Variants in EXD1 observed in about 807,000 individuals in gnomAD.
EXD1 encodes the protein piRNA biogenesis protein EXD1.
Under a neutral mutation model 49.1 loss-of-function variants are expected in EXD1, and 63 were observed. That is an observed-to-expected ratio of 1.28 (90% CI 1.05 to 1.58). EXD1 has a LOEUF of 1.58. EXD1 is among the 40% of genes most tolerant of loss of function. The pLI is 0.00. For synonymous variants in EXD1, 234 were observed against 239.2 expected (o/e 0.98, Z 0.20); for missense variants, 748 against 666.0 (o/e 1.12, Z -1.36).
chr15:41,223,193 A>G (rs1245257776), intron 2 of EXD1, among the ~76,000 whole-genome samples: 1 of 151,782 alleles, frequency 6.6e-6, no homozygotes, highest in African/African-American at 2.4e-5. Flanking sequence ...GCTGAGTGGG[A>G]GAACTGCTTG....
rs2046990597 is a variant in EXD1 at position 41,215,772 on chromosome 15, T to TA, written c.447+2dup. The TA allele has an allele frequency of 1.9e-6, 3 of 1,613,666 alleles. No homozygotes were observed. Among genetic ancestry groups the TA allele is most frequent in the Non-Finnish European group, 2.5e-6 (3 of 1,179,652 alleles). On this transcript the variant is annotated splice_region_variant and intron_variant, in intron 6 of 11. Transcript: ENST00000458580. ...ACTAGTAATGATTGAGGACAATACTTACCGCAGCACCAAACTTCTGCTGGA... is the reference window on the plus strand; with the variant it reads ...ACTAGTAATGATTGAGGACAATACTTAACCGCAGCACCAAACTTCTGCTGGA...
chr15:41,230,538 G>A lies in EXD1; in HGVS notation c.-113C>T, dbSNP rs1444848810. On this transcript the variant is annotated 5_prime_UTR_variant, in exon 1 of 12. Transcript: ENST00000458580. ...GGCTTTTTCCTCCGAAGGAAGTTTGGGAAATCTGGATCCTAATTTCAGCCA... is the reference window on the plus strand; with the variant it reads ...GGCTTTTTCCTCCGAAGGAAGTTTGAGAAATCTGGATCCTAATTTCAGCCA... 2 of 1,614,040 alleles carry A rather than the reference G, an allele frequency of 1.2e-6. No homozygotes were observed. Among genetic ancestry groups the A allele is most frequent in the East Asian group, 2.2e-5 (1 of 44,886 alleles).
intron 2 of EXD1, among the ~76,000 whole-genome samples, chr15:41,223,930 C>T (rs1216543885): frequency 6.6e-6 from 1 of 152,018 alleles, no homozygotes; most frequent in East Asian, 1.9e-4. Flanking sequence ...GCTATGCTGC[C>T]TCGGCTGGCC....
At chr15:41,184,624 A>G (rs752948200) in intron 11 of EXD1, 31 bp from the exon 12 acceptor site, 9 of 1,535,516 alleles carry the variant, frequency 5.9e-6, no homozygotes, top group South Asian at 1.3e-5. Flanking sequence ...CAAGTTTATT[A>G]TAACTAAACT....
chr15:41,186,487 A>AAAAAAAAAAAAAAAAAC (rs2046410244), intron 11 of EXD1, among the ~76,000 whole-genome samples: 1 of 151,164 alleles, frequency 6.6e-6, no homozygotes. Flanking sequence ...AAAAAAAAAA[A>AAAAAAAAAAAAAAAAAC]AATCAGAAAA....
intron 9 of EXD1, among the ~76,000 whole-genome samples, chr15:41,192,557 A>AGTG (rs1300130842): frequency 1.4e-5 from 2 of 139,930 alleles, no homozygotes; most frequent in African/African-American, 2.7e-5. Flanking sequence ...GGGCTCCCGA[A>AGTG]GTGTTGGGAT....
At chr15:41,223,930 C>G (rs1216543885) in intron 2 of EXD1, among the ~76,000 whole-genome samples, 1 of 152,018 alleles carries the variant, frequency 6.6e-6, no homozygotes, top group Non-Finnish European at 1.5e-5. Flanking sequence ...GCTATGCTGC[C>G]TCGGCTGGCC....
chr15:41,227,594 C>G (rs1162152926), intron 1 of EXD1, among the ~76,000 whole-genome samples: 1 of 150,516 alleles, frequency 6.6e-6, no homozygotes, highest in East Asian at 1.9e-4. Context: ...CACTTGAACC[C>G]GGGAGGCAGA....
chr15:41,225,586 A>AG (rs1340385717), intron 2 of EXD1, among the ~76,000 whole-genome samples: 1 of 105,374 alleles, frequency 9.5e-6, no homozygotes, highest in Non-Finnish European at 1.9e-5. Flanking sequence ...ACTCATTCTC[A>AG]GAAAAAAAAA....
At chr15:41,189,092 G>A (rs542773016) in intron 11 of EXD1, among the ~76,000 whole-genome samples, 1 of 152,188 alleles carries the variant, frequency 6.6e-6, no homozygotes, top group Admixed American at 6.5e-5. Flanking sequence ...TGGAGGCCAA[G>A]CACGGTGGCT....
chr15:41,195,327 C>A (rs2046591385), intron 9 of EXD1, among the ~76,000 whole-genome samples: 1 of 152,092 alleles, frequency 6.6e-6, no homozygotes, highest in South Asian at 2.1e-4. Flanking sequence ...GCTGTTTGGG[C>A]CCACATAGAT....
chr15:41,184,227 T>C lies in EXD1; in HGVS notation c.1423A>G (p.Lys475Glu). ...SSNKLICTKS[K>E]GSEDQRITQK... The stretch of plus-strand genomic sequence containing the variant: ...GTTATTCTCTGGTCCTCTGACCCCT[T>C]TGACTTTGTGCAAATGAGTTTGTTA... The change falls in exon 12 of 12, where the codon AAG (lysine) becomes GAG (glutamate). Residue 475 changes from lysine to glutamate, a missense_variant. Physicochemically the swap from Lys to Glu is moderately conservative, Grantham distance 56 (BLOSUM62 1). Coordinates refer to ENST00000458580, the MANE Select transcript of EXD1 (RefSeq NM_001286441.2). 1.2e-6 allele frequency: 2 copies of C among 1,614,226 alleles called. No individual in the cohort carries two copies. The highest frequency in any genetic ancestry group is 1.1e-5 in the South Asian group (1 of 91,082).
At chr15:41,210,857 T>C (rs1027436075) in intron 6 of EXD1, among the ~76,000 whole-genome samples, 1 of 152,176 alleles carries the variant, frequency 6.6e-6, no homozygotes, top group African/African-American at 2.4e-5. Flanking sequence ...AAAGGCATAG[T>C]AATTTACACT....
chr15:41,199,468 A>C (rs1348240242), intron 7 of EXD1, among the ~76,000 whole-genome samples: 1 of 149,200 alleles, frequency 6.7e-6, no homozygotes, highest in African/African-American at 2.5e-5. Context: ...ACCTCTGGAT[A>C]GCTGAGCAGG....
At chr15:41,207,876 T>A (rs1277636762) in intron 7 of EXD1, among the ~76,000 whole-genome samples, 1 of 151,944 alleles carries the variant, frequency 6.6e-6, no homozygotes, top group African/African-American at 2.4e-5. Context: ...CCAGGCATGT[T>A]GGCTCATGCC....
rs778214982 is a variant in EXD1 at position 41,202,166 on chromosome 15, A to ATT, written c.535-6131_535-6130dup. On this transcript the variant is annotated intron_variant, in intron 7 of 11. Coordinates refer to ENST00000458580, the MANE Select transcript of EXD1 (RefSeq NM_001286441.2). ...ACTTTCATTATATATATATATATAT[A>ATT]TTTTTTTTAATTTAATTTTATTTTT... 8.5e-3 allele frequency among the ~76,000 whole-genome samples: 1,123 copies of ATT among 132,604 alleles called. 14 individuals are homozygous for ATT. The highest frequency in any genetic ancestry group is 0.033 in the African/African-American group (983 of 29,844). The allele number at this position is 132,604 out of a possible 152,430, so 87.0% of individuals were successfully genotyped here.
At chr15:41,201,777 C>T (rs183573869) in intron 7 of EXD1, among the ~76,000 whole-genome samples, 9 of 152,118 alleles carry the variant, frequency 5.9e-5, no homozygotes, top group African/African-American at 1.4e-4. Context: ...CCTGAGTCAC[C>T]GTGCCCAGCT....
At chr15:41,194,154 G>A (rs967537952) in intron 9 of EXD1, among the ~76,000 whole-genome samples, 2 of 151,910 alleles carry the variant, frequency 1.3e-5, no homozygotes, top group Non-Finnish European at 2.9e-5. Flanking sequence ...TGGGACTACA[G>A]GCGCCTGCCA....
At chr15:41,211,215 G>A (rs1208498385) in intron 6 of EXD1, among the ~76,000 whole-genome samples, 1 of 151,934 alleles carries the variant, frequency 6.6e-6, no homozygotes, top group African/African-American at 2.4e-5. Context: ...GGGCTTAGCT[G>A]ATCCTCTCAT....
Sources: gnomAD v4.1 joint callset for allele counts (sites outside exome capture counted in the v4.1 genomes callset) on GRCh38, gnomAD v4.1.1 for gene constraint, MANE v1.5 for transcripts, NCBI Gene and HGNC (gene_info 2026-07-23, HGNC 2026-07-21) for gene names.